Variants in PCDH15 observed in about 807,000 individuals in gnomAD.
PCDH15 encodes the protein protocadherin-15.
Under a neutral mutation model 178.5 loss-of-function variants are expected in PCDH15, and 129 were observed. The observed-to-expected ratio is 0.72, with a 90% CI of 0.63 to 0.84. The LOEUF (loss-of-function observed/expected upper bound fraction) is 0.84, where lower values mean the gene tolerates loss of function less well. Ranked by LOEUF, PCDH15 falls within the 40% of genes least tolerant of loss-of-function variation. The pLI, the probability that PCDH15 is intolerant of heterozygous loss-of-function variation, is 0.00. For synonymous variants in PCDH15, 800 were observed against 732.0 expected, an observed-to-expected ratio of 1.09 and a Z score of -1.50; for missense variants, 2,230 against 2,099.9, an observed-to-expected ratio of 1.06 and a Z score of -1.21.
chr10:54,454,170 T>C (rs1178768940), intron 3 of PCDH15, among the ~76,000 whole-genome samples: 1 of 149,494 alleles, frequency 6.7e-6, no homozygotes, highest in Non-Finnish European at 1.5e-5. Context: ...TTTATAAATG[T>C]AAATATATGC....
intron 1 of PCDH15, among the ~76,000 whole-genome samples, chr10:54,759,241 A>C (rs933078446): frequency 6.6e-6 from 1 of 152,212 alleles, no homozygotes; most frequent in South Asian, 2.1e-4. Flanking sequence ...GAAGTGTTCA[A>C]TTCCACTTGA....
chr10:53,940,808 T>G, intron 24 of PCDH15, 58 bp downstream of exon 24: 1 of 1,253,348 alleles, frequency 8.0e-7, no homozygotes. Context: ...AATCTGAAAT[T>G]AGGCCAAATC....
intron 25 of PCDH15, among the ~76,000 whole-genome samples, chr10:53,931,283 A>G (rs991604273): frequency 6.6e-6 from 1 of 152,160 alleles, no homozygotes; most frequent in African/African-American, 2.4e-5. Context: ...GTGAGGTGGG[A>G]GTGGGCAGAA....
At chr10:53,932,952 T>C (rs2085206433) in intron 25 of PCDH15, among the ~76,000 whole-genome samples, 1 of 152,062 alleles carries the variant, frequency 6.6e-6, no homozygotes, top group African/African-American at 2.4e-5. Context: ...GAAAATTGTG[T>C]GGCACCTTCC....
chr10:54,439,248 A>C (rs2075641310), intron 3 of PCDH15, among the ~76,000 whole-genome samples: 1 of 152,046 alleles, frequency 6.6e-6, no homozygotes, highest in African/African-American at 2.4e-5. Context: ...AAATAAACTT[A>C]AAGTTTAAGA....
Position 53,881,183 on chromosome 10 carries a change from C to T in PCDH15, c.3502-14326G>A, listed in dbSNP as rs539597917. Among the ~76,000 whole-genome samples the T allele has an allele frequency of 3.3e-5, 5 of 152,214 alleles. No individual in the cohort carries two copies. The South Asian group carries it at 6.2e-4, about 19-fold the overall frequency. On this transcript the variant is annotated intron_variant, in intron 26 of 37. Transcript: ENST00000644397. ...AGTCTTGCTGCATGCAGCTATACTA[C>T]CTAAAATTTCAGGATTTGTTAGCCA...
intron 1 of PCDH15, among the ~76,000 whole-genome samples, chr10:54,716,145 G>A (rs2095477254): frequency 6.6e-6 from 1 of 152,058 alleles, no homozygotes; most frequent in African/African-American, 2.4e-5. Flanking sequence ...GAAACCTGTG[G>A]GTGGGCCTGC....
chr10:55,488,480 A>C (rs1353851315), intron 2 of PCDH15, among the ~76,000 whole-genome samples: 1 of 151,608 alleles, frequency 6.6e-6, no homozygotes, highest in African/African-American at 2.4e-5. Context: ...GGAGATTTTC[A>C]TTACAGGCAG....
chr10:54,567,200 C>G (rs2089169807), intron 2 of PCDH15, among the ~76,000 whole-genome samples: 1 of 152,038 alleles, frequency 6.6e-6, no homozygotes, highest in Non-Finnish European at 1.5e-5. Context: ...TTATTGTTAA[C>G]TTTTAACAGA....
At chr10:54,873,945 TC>T (rs1461428425) in intron 3 of PCDH15, among the ~76,000 whole-genome samples, 1 of 150,432 alleles carries the variant, frequency 6.6e-6, no homozygotes, top group Non-Finnish European at 1.5e-5. Flanking sequence ...CTTTCAGTTT[TC>T]TTTTTTTTCT....
At chr10:53,956,627 G>A (rs2087637558) in intron 23 of PCDH15, among the ~76,000 whole-genome samples, 2 of 152,078 alleles carry the variant, frequency 1.3e-5, no homozygotes, top group African/African-American at 4.8e-5. Flanking sequence ...TAGCATCTCT[G>A]GGAGTTATGT....
intron 1 of PCDH15, among the ~76,000 whole-genome samples, chr10:55,275,433 T>C (rs564017326): frequency 6.6e-6 from 1 of 152,162 alleles, no homozygotes; most frequent in Admixed American, 6.5e-5. Flanking sequence ...CAATTTGTTC[T>C]TCTATAGTGT....
chr10:55,237,778 A>T (rs2132207259), intron 1 of PCDH15, among the ~76,000 whole-genome samples: 1 of 152,232 alleles, frequency 6.6e-6, no homozygotes, highest in Non-Finnish European at 1.5e-5. Context: ...ACCTTGGTAG[A>T]TTGAATGCAT....
At chr10:55,329,524 A>G (rs2132308719) in intron 2 of PCDH15, among the ~76,000 whole-genome samples, 1 of 151,904 alleles carries the variant, frequency 6.6e-6, no homozygotes, top group African/African-American at 2.4e-5. Flanking sequence ...GAGAAATGCA[A>G]AAGGTGTTTA....
At chr10:54,221,714 C>A (rs574284665) in intron 9 of PCDH15, among the ~76,000 whole-genome samples, 2 of 151,910 alleles carry the variant, frequency 1.3e-5, no homozygotes, top group Admixed American at 6.6e-5. Flanking sequence ...GCAATTCTCC[C>A]GCCTCAACCC....
intron 2 of PCDH15, among the ~76,000 whole-genome samples, chr10:55,515,761 G>A (rs182558244): frequency 2.1e-4 from 32 of 151,992 alleles, no homozygotes; most frequent in African/African-American, 5.1e-4. Context: ...AATTGGACAC[G>A]TGCATATCCT....
upstream of PCDH15, among the ~76,000 whole-genome samples, chr10:54,801,709 C>A (rs540391678): frequency 6.6e-6 from 1 of 151,884 alleles, no homozygotes; most frequent in Non-Finnish European, 1.5e-5. Flanking sequence ...CAAAACAAAA[C>A]AAAACAAAAA....
At chr10:55,034,075 A>AG (rs1050623217) in intron 2 of PCDH15, among the ~76,000 whole-genome samples, 1 of 101,864 alleles carries the variant, frequency 9.8e-6, no homozygotes, top group African/African-American at 3.0e-5. Context: ...TAGAACTCTG[A>AG]GAAAAAAAAA....
At chr10:54,958,045 C>G (rs575487824) in intron 2 of PCDH15, among the ~76,000 whole-genome samples, 1 of 151,768 alleles carries the variant, frequency 6.6e-6, no homozygotes, top group Non-Finnish European at 1.5e-5. Context: ...ACTTTGCTAA[C>G]TCCTATTCTC....
Sources: allele counts gnomAD v4.1 joint callset (sites outside exome capture counted in the v4.1 genomes callset), GRCh38; gene constraint gnomAD v4.1.1; transcripts MANE v1.5; gene names NCBI Gene and HGNC (gene_info 2026-07-23, HGNC 2026-07-21).